The following NBAS variants were observed in gnomAD, a reference collection of about 807,000 sequenced individuals.
The protein encoded by NBAS is NBAS subunit of NRZ tethering complex, also known as NAG/BC035112 fusion.
In NBAS, 219 loss-of-function variants were observed where a neutral mutation model predicts 302.5. The ratio of observed to expected loss-of-function variants is 0.72; its 90% CI spans 0.65 to 0.81. The LOEUF is 0.81. Ranked by LOEUF, NBAS falls within the 30% of genes least tolerant of loss-of-function variation. NBAS has a pLI of 0.00. For synonymous variants in NBAS, 1,118 were observed against 1,021.6 expected, an observed-to-expected ratio of 1.09 and a Z score of -1.80; for missense variants, 2,932 against 2,841.6, an observed-to-expected ratio of 1.03 and a Z score of -0.72.
the NBAS span, among the ~76,000 whole-genome samples, chr2:14,853,457 C>T: frequency 2.1e-5 from 2 of 97,312 alleles, 1 homozygote; most frequent in African/African-American, 1.1e-4. Context: ...AATAGGGACA[C>T]TTTTACACTG....
the NBAS span, among the ~76,000 whole-genome samples, chr2:14,960,307 C>T: frequency 6.6e-6 from 1 of 152,202 alleles, no homozygotes; most frequent in Non-Finnish European, 1.5e-5. Context: ...GCCCTAAATG[C>T]TTTATGGCTT....
chr2:14,881,088 A>AAAT, the NBAS span, among the ~76,000 whole-genome samples: 1 of 152,190 alleles, frequency 6.6e-6, no homozygotes. Flanking sequence ...AATCCACCTA[A>AAAT]GTGTCCATCA....
chr2:15,168,141 T>C (rs552446343), intron 51 of NBAS, among the ~76,000 whole-genome samples: 64 of 152,368 alleles, frequency 4.2e-4, no homozygotes, highest in African/African-American at 1.4e-3. Context: ...TCGGAGCTTC[T>C]CACTTACATT....
chr2:15,249,153 G>T (rs1572524180), intron 44 of NBAS, among the ~76,000 whole-genome samples: 1 of 152,160 alleles, frequency 6.6e-6, no homozygotes, highest in Middle Eastern at 3.4e-3. Flanking sequence ...TGCGAGGCTG[G>T]TTCAACATAC....
the NBAS span, among the ~76,000 whole-genome samples, chr2:15,062,832 T>C: frequency 2.0e-5 from 3 of 152,290 alleles, no homozygotes; most frequent in South Asian, 2.1e-4. Context: ...GTAAGCTACA[T>C]GGCAGAAGGA....
intron 44 of NBAS, among the ~76,000 whole-genome samples, chr2:15,240,490 G>T (rs945806478): frequency 1.3e-5 from 2 of 151,196 alleles, no homozygotes; most frequent in East Asian, 2.0e-4. Context: ...GGTGGCGGGC[G>T]CCTGTAGTCC....
At chr2:15,123,302 A>T in the NBAS span, among the ~76,000 whole-genome samples, 15 of 152,130 alleles carry the variant, frequency 9.9e-5, no homozygotes, top group African/African-American at 3.1e-4. Flanking sequence ...GCTTTCTAGC[A>T]TCTTCTCCAT....
At chr2:15,056,930 T>C in the NBAS span, among the ~76,000 whole-genome samples, 7 of 151,484 alleles carry the variant, frequency 4.6e-5, no homozygotes, top group Non-Finnish European at 5.9e-5. Flanking sequence ...CCAGGTTCCA[T>C]TGATTCTCCC....
the NBAS span, among the ~76,000 whole-genome samples, chr2:15,013,095 G>A: frequency 1.3e-5 from 2 of 152,148 alleles, no homozygotes; most frequent in Non-Finnish European, 2.9e-5. Context: ...CTGACCTCAG[G>A]TGATCTGCCC....
chr2:14,821,224 C>T, the NBAS span, among the ~76,000 whole-genome samples: 2 of 152,144 alleles, frequency 1.3e-5, no homozygotes, highest in African/African-American at 4.8e-5. Flanking sequence ...CGCGCCCGGC[C>T]AACAGAGACA....
the NBAS span, among the ~76,000 whole-genome samples, chr2:15,145,401 A>G: frequency 8.1e-5 from 12 of 148,232 alleles, no homozygotes; most frequent in East Asian, 7.9e-4. Flanking sequence ...GTTTGTTTGT[A>G]TGTGTGTGTG....
intron 45 of NBAS, 101 bp downstream of exon 45, chr2:15,238,367 C>T: frequency 1.7e-6 from 2 of 1,193,704 alleles, no homozygotes; most frequent in East Asian, 5.1e-5. Context: ...AGGATATCTG[C>T]AAGCCTGAAA....
the NBAS span, among the ~76,000 whole-genome samples, chr2:15,073,799 T>G: frequency 6.6e-6 from 1 of 152,230 alleles, no homozygotes; most frequent in South Asian, 2.1e-4. Context: ...ATAACACCAA[T>G]ACATTCTTTC....
intron 2 of NBAS, among the ~76,000 whole-genome samples, chr2:15,557,700 AG>A (rs1242375618): frequency 6.6e-6 from 1 of 152,220 alleles, no homozygotes; most frequent in Non-Finnish European, 1.5e-5. Context: ...CTTTGAAGCC[AG>A]AAAGACATGC....
chr2:15,490,176 C>T (rs1680795044), intron 11 of NBAS, among the ~76,000 whole-genome samples: 2 of 152,216 alleles, frequency 1.3e-5, no homozygotes, highest in Middle Eastern at 3.4e-3. Context: ...TGATCCAATT[C>T]ACTAAATTAT....
the NBAS span, among the ~76,000 whole-genome samples, chr2:14,933,118 G>T: frequency 6.6e-6 from 1 of 152,212 alleles, no homozygotes; most frequent in Non-Finnish European, 1.5e-5. Context: ...GGAGGAAACA[G>T]AGGCCCAAAA....
chr2:14,974,007 T>A, the NBAS span, among the ~76,000 whole-genome samples: 1 of 152,152 alleles, frequency 6.6e-6, no homozygotes. Context: ...TAAAGCCAAC[T>A]CTCGCCAAGA....
intron 28 of NBAS, among the ~76,000 whole-genome samples, chr2:15,386,004 T>C (rs1675273020): frequency 6.6e-6 from 1 of 152,192 alleles, no homozygotes; most frequent in Admixed American, 6.5e-5. Context: ...TGGCCATCCA[T>C]TTTAGCTATA....
intron 44 of NBAS, among the ~76,000 whole-genome samples, chr2:15,268,241 G>C (rs1331728824): frequency 6.6e-6 from 1 of 152,132 alleles, no homozygotes; most frequent in African/African-American, 2.4e-5. Context: ...AGTGAAGTGG[G>C]GAGAAACAAT....
Sources: allele counts gnomAD v4.1 joint callset (sites outside exome capture counted in the v4.1 genomes callset), GRCh38; gene constraint gnomAD v4.1.1; transcripts MANE v1.5; gene names NCBI Gene and HGNC (gene_info 2026-07-23, HGNC 2026-07-21).